The following ADGRL3 variants were observed in gnomAD, a reference collection of about 807,000 sequenced individuals.
ADGRL3 encodes calcium-independent alpha-latrotoxin receptor 3.
A neutral mutation model predicts 153.5 loss-of-function variants in ADGRL3; 62 were observed. The observed-to-expected ratio is 0.40, with a 90% CI of 0.33 to 0.50. The LOEUF (loss-of-function observed/expected upper bound fraction) is 0.50, where lower values mean the gene tolerates loss of function less well. Ranked by LOEUF, ADGRL3 falls within the 20% of genes least tolerant of loss-of-function variation. ADGRL3 has a pLI of 0.47. For synonymous variants in ADGRL3, 710 were observed against 672.5 expected (o/e 1.06, Z -0.86); for missense variants, 1,641 against 1,859.4 (o/e 0.88, Z 2.16).
intron 1 of ADGRL3, among the ~76,000 whole-genome samples, chr4:61,284,851 A>C (rs2093870212): frequency 6.6e-6 from 1 of 151,784 alleles, no homozygotes; most frequent in African/African-American, 2.4e-5. Context: ...GATATTTTTC[A>C]TGCCTCTTTT....
At chr4:61,277,412 T>A (rs2149907929) in intron 1 of ADGRL3, among the ~76,000 whole-genome samples, 1 of 152,292 alleles carries the variant, frequency 6.6e-6, no homozygotes, top group Non-Finnish European at 1.5e-5. Context: ...AACACACATA[T>A]TAGTTCCATT....
rs1316612924 is a variant in ADGRL3 at position 62,035,033 on chromosome 4, A to C, written c.3592-2698A>C. ...GTGCCATGTGAAATAGTAGATTAGA[A>C]TATGCAAATGATTGAACAATCAAAT... is the stretch of plus-strand genomic sequence containing the variant. On this transcript the variant is annotated intron_variant, in intron 23 of 26. Transcript: ENST00000683033. Among the ~76,000 whole-genome samples, 5 of 152,000 alleles carry C rather than the reference A, an allele frequency of 3.3e-5. No individual in the cohort carries two copies. The East Asian group carries it at 9.6e-4, about 29-fold the overall frequency.
In ADGRL3 at chr4:61,222,402, A is replaced by G. The variant is rs542394443; in HGVS notation, c.-240+20637A>G. On this transcript the variant is annotated intron_variant, in intron 1 of 26. Coordinates refer to ENST00000683033, the MANE Select transcript of ADGRL3 (RefSeq NM_001387552.1). ...GATTAGGGTAATTAGCATATCCATCATCTCAAACACAAAGAAATAACAAGC... is the reference window on the plus strand; with the variant it reads ...GATTAGGGTAATTAGCATATCCATCGTCTCAAACACAAAGAAATAACAAGC... 2.0e-5 allele frequency among the ~76,000 whole-genome samples: 3 copies of G among 152,278 alleles called. No individual in the cohort carries two copies. In the South Asian group the frequency reaches 6.2e-4, roughly 32 times the overall value.
In ADGRL3 at chr4:61,369,647, G is replaced by A. The variant is rs2096481816; in HGVS notation, c.-239-13477G>A. ...TTCGGTTTGCCAGTATTTTATTGAG[G>A]ATTTTTGCATCAATGTTCATCAAGG... On this transcript the variant is annotated intron_variant, in intron 1 of 26. Transcript: ENST00000683033. Among the ~76,000 whole-genome samples, 2 of 152,152 alleles carry A rather than the reference G, an allele frequency of 1.3e-5. 1 individual carries two copies. The highest frequency in any genetic ancestry group is 2.9e-5 in the Non-Finnish European group (2 of 68,032).
intron 1 of ADGRL3, among the ~76,000 whole-genome samples, chr4:61,223,218 G>A (rs557484963): frequency 6.6e-6 from 1 of 152,270 alleles, no homozygotes; most frequent in South Asian, 2.1e-4. Context: ...GTGGTTAGAA[G>A]CACTTCACAA....
At chr4:61,274,574 T>C (rs1257137193) in intron 1 of ADGRL3, among the ~76,000 whole-genome samples, 12 of 152,108 alleles carry the variant, frequency 7.9e-5, no homozygotes, top group Non-Finnish European at 1.8e-4. Flanking sequence ...AAAAACAACA[T>C]ATTAAGGGTT....
intron 4 of ADGRL3, among the ~76,000 whole-genome samples, chr4:61,547,054 T>C (rs1368837633): frequency 6.6e-6 from 1 of 152,198 alleles, no homozygotes; most frequent in Admixed American, 6.5e-5. Flanking sequence ...CAATTAGCTG[T>C]ATAGAAATTA....
chr4:61,490,698 G>GA (rs66522716), intron 2 of ADGRL3, among the ~76,000 whole-genome samples: 14 of 146,658 alleles, frequency 9.5e-5, no homozygotes, highest in South Asian at 2.2e-4. Flanking sequence ...CCTCAATATT[G>GA]AAAAAAAAAA....
intron 6 of ADGRL3, among the ~76,000 whole-genome samples, chr4:61,722,368 C>G (rs958765158): frequency 9.9e-5 from 15 of 152,104 alleles, no homozygotes; most frequent in African/African-American, 3.4e-4. Context: ...AATAGAACAA[C>G]AAAACCCAAC....
At chr4:61,585,987 C>T (rs1019934812) in intron 4 of ADGRL3, among the ~76,000 whole-genome samples, 1 of 151,786 alleles carries the variant, frequency 6.6e-6, no homozygotes, top group Non-Finnish European at 1.5e-5. Flanking sequence ...CAAATAAAAG[C>T]AATACAAAAG....
chr4:61,596,620 A>G (rs1160148328), intron 5 of ADGRL3, among the ~76,000 whole-genome samples: 3 of 152,172 alleles, frequency 2.0e-5, no homozygotes, highest in Admixed American at 2.0e-4. Context: ...TTTATTCTCC[A>G]GGCAGGAGAA....
intron 23 of ADGRL3, among the ~76,000 whole-genome samples, chr4:62,037,004 A>C (rs1202261297): frequency 1.3e-5 from 2 of 152,102 alleles, no homozygotes; most frequent in Admixed American, 6.6e-5. Flanking sequence ...GTAATTTTAT[A>C]CTACAACCAA....
rs181136538 is a variant in ADGRL3 at position 61,935,812 on chromosome 4, T to C, written c.2297-111T>C. On this transcript the variant is annotated intron_variant, in intron 14 of 26. Transcript: ENST00000683033. The stretch of plus-strand genomic sequence containing the variant: ...AAAGATTTTCATAAAGCATGACAAA[T>C]AGAATAAGAATTCCAGTATTTTGAT... 9.8e-5 allele frequency: 95 copies of C among 967,640 alleles called. No homozygotes were observed. In the African/African-American group the frequency reaches 1.6e-3, roughly 16 times the overall value. The allele number at this position is 967,640 out of a possible 1,614,324, so 59.9% of individuals were successfully genotyped here.
intron 21 of ADGRL3, among the ~76,000 whole-genome samples, chr4:62,000,637 A>G (rs573752206): frequency 1.3e-5 from 2 of 152,128 alleles, no homozygotes; most frequent in Non-Finnish European, 2.9e-5. Context: ...TGGGTATAAT[A>G]ATGACATATA....
chr4:61,870,278 G>T lies in ADGRL3; in HGVS notation c.1481-22378G>T, dbSNP rs893440280. On this transcript the variant is annotated intron_variant, in intron 9 of 26. Coordinates refer to ENST00000683033, the MANE Select transcript of ADGRL3 (RefSeq NM_001387552.1). ...ATCCACATACCAGTGAATGGGGTTG[G>T]ACCTATCCCTTATACTATACACAAA... Among the ~76,000 whole-genome samples the T allele has an allele frequency of 2.6e-5, 4 of 152,062 alleles. No homozygotes were observed. In the East Asian group the frequency reaches 7.7e-4, roughly 29 times the overall value.
chr4:62,006,273 T>C (rs978595473), intron 21 of ADGRL3, among the ~76,000 whole-genome samples: 2 of 151,618 alleles, frequency 1.3e-5, no homozygotes, highest in Admixed American at 1.3e-4. Context: ...TGACCTTAGG[T>C]GATCAGCCCG....
At chr4:61,447,671 A>G (rs1199680891) in intron 2 of ADGRL3, among the ~76,000 whole-genome samples, 1 of 152,234 alleles carries the variant, frequency 6.6e-6, no homozygotes, top group Non-Finnish European at 1.5e-5. Context: ...GAAATGGAGT[A>G]TAAATCAATT....
chr4:61,853,740 T>G (rs1329807755), intron 9 of ADGRL3, among the ~76,000 whole-genome samples: 1 of 152,192 alleles, frequency 6.6e-6, no homozygotes, highest in African/African-American at 2.4e-5. Context: ...AAGTTGATGA[T>G]TACATATGGT....
chr4:61,990,465 A>C (rs922833467), intron 19 of ADGRL3, among the ~76,000 whole-genome samples: 2 of 151,972 alleles, frequency 1.3e-5, no homozygotes, highest in African/African-American at 4.8e-5. Flanking sequence ...TGGTAAAATG[A>C]AAATATAAAA....
Sources: allele counts gnomAD v4.1 joint callset (sites outside exome capture counted in the v4.1 genomes callset), GRCh38; gene constraint gnomAD v4.1.1; transcripts MANE v1.5; gene names NCBI Gene and HGNC (gene_info 2026-07-23, HGNC 2026-07-21).